The following CMTM1 variants were observed in gnomAD, a reference collection of about 807,000 sequenced individuals.
CMTM1 encodes CKLF like MARVEL transmembrane domain containing 1, also known as CKLF-like MARVEL transmembrane domain-containing protein 1.
In CMTM1, 16 loss-of-function variants were observed where a neutral mutation model predicts 17.8. The ratio of observed to expected loss-of-function variants is 0.90; its 90% CI spans 0.61 to 1.37. The LOEUF (loss-of-function observed/expected upper bound fraction) is 1.37, where lower values mean the gene tolerates loss of function less well. Ranked by LOEUF, CMTM1 falls within the 40% of genes most tolerant of loss-of-function variation. The probability of loss-of-function intolerance (pLI) is 0.00; values close to 1 mark genes in which losing one functional copy is unlikely to be tolerated. For synonymous variants in CMTM1, 169 were observed against 154.6 expected (o/e 1.09, Z -0.69); for missense variants, 354 against 375.6 (o/e 0.94, Z 0.47).
In CMTM1 at chr16:66,569,957, G is replaced by A. The variant is rs572608128; in HGVS notation, c.454G>A (p.Ala152Thr). The A allele has an allele frequency of 1.2e-6, 2 of 1,608,774 alleles. No homozygotes were observed. The highest frequency in any genetic ancestry group is 4.5e-5 in the East Asian group (2 of 44,844). The change falls in exon 2 of 4, where the codon GCT becomes ACT. Residue 152 changes from alanine to threonine, a missense_variant. Transcript: ENST00000379500. ...LRLSLILGAL[A>T]CFIITQANES... ...GCAGAGTCTTATCTTAGGAGCATTA[G>A]CTTGTTTCATCATCACCCAAGCCAA...
intron 2 of CMTM1, among the ~76,000 whole-genome samples, chr16:66,574,600 T>G (rs969048596): frequency 6.6e-6 from 1 of 152,212 alleles, no homozygotes; most frequent in African/African-American, 2.4e-5. Context: ...CAATGGACAG[T>G]TCAGGAGAGC....
At chr16:66,570,640 C>G (rs192313068) in intron 2 of CMTM1, among the ~76,000 whole-genome samples, 1 of 152,290 alleles carries the variant, frequency 6.6e-6, no homozygotes, top group East Asian at 1.9e-4. Flanking sequence ...CTTTCACATT[C>G]TTTGCCAACT....
chr16:66,578,996 G>A lies in CMTM1; in HGVS notation c.856G>A (p.Ala286Thr), dbSNP rs1240288705. 2 of 1,612,888 alleles carry A rather than the reference G, an allele frequency of 1.2e-6. No individual in the cohort carries two copies. Residue 286 changes from alanine to threonine, a missense_variant, in exon 4 of 4, where the codon GCC (alanine) becomes ACC (threonine). Transcript: ENST00000379500. Reference protein sequence around the residue: ...ETGPDAPQRPA With the variant: ...ETGPDAPQRPT The stretch of plus-strand genomic sequence containing the variant: ...CGGCCCCGACGCCCCGCAGAGGCCC[G>A]CCTGAAGCCAGCCCGGCGCCCTAGC...
At chr16:66,573,720 T>A (rs1044964578) in intron 2 of CMTM1, among the ~76,000 whole-genome samples, 1 of 144,590 alleles carries the variant, frequency 6.9e-6, no homozygotes, top group Non-Finnish European at 1.5e-5. Flanking sequence ...GGAGTCTCAC[T>A]GTGTTGCCCA....
chr16:66,575,298 C>A, intron 2 of CMTM1: 1 of 750,882 alleles, frequency 1.3e-6, no homozygotes, highest in Non-Finnish European at 1.6e-6. Context: ...TTATCAGATG[C>A]TTTCAGATTC....
Position 66,577,326 on chromosome 16 carries a change from G to A in CMTM1, c.690+124G>A, listed in dbSNP as rs902445618. The A allele has an allele frequency of 6.0e-6, 4 of 669,356 alleles. No homozygotes were observed. The African/African-American group carries it at 7.2e-5, about 12-fold the overall frequency. 41.5% of individuals were successfully genotyped at this position (669,356 alleles called of 1,614,324 possible). ...CCCACTGCCACCCACTCTCCTTCTT[G>A]CACTGACTTCTTCAGGTGATATGAA... On this transcript the variant is annotated intron_variant, in intron 3 of 3. Coordinates refer to ENST00000379500, the MANE Select transcript of CMTM1 (RefSeq NM_052999.4).
At chr16:66,573,964 A>T (rs1178045415) in intron 2 of CMTM1, among the ~76,000 whole-genome samples, 2 of 150,680 alleles carry the variant, frequency 1.3e-5, no homozygotes, top group Admixed American at 1.3e-4. Context: ...TGGGATTACA[A>T]GCATGAGCCA....
chr16:66,573,508 G>C, intron 2 of CMTM1, among the ~76,000 whole-genome samples: 1 of 152,116 alleles, frequency 6.6e-6, no homozygotes, highest in Non-Finnish European at 1.5e-5. Flanking sequence ...TTCTGGTGAA[G>C]CAGATGTTTT....
chr16:66,573,512 A>G (rs1416789986), intron 2 of CMTM1, among the ~76,000 whole-genome samples: 1 of 152,182 alleles, frequency 6.6e-6, no homozygotes, highest in Non-Finnish European at 1.5e-5. Context: ...GGTGAAGCAG[A>G]TGTTTTTGCC....
intron 2 of CMTM1, 119 bp from the exon 3 acceptor site, chr16:66,576,985 C>A: frequency 1.2e-6 from 1 of 826,188 alleles, no homozygotes; most frequent in Non-Finnish European, 1.9e-6. Context: ...TCCTCCTCAT[C>A]TTAATCAAAT....
intron 2 of CMTM1, among the ~76,000 whole-genome samples, chr16:66,571,870 C>T (rs184164086): frequency 6.7e-4 from 102 of 152,274 alleles, no homozygotes; most frequent in African/African-American, 2.4e-3. Context: ...AGAAGTATCC[C>T]AGACAAAGGT....
chr16:66,575,320 T>A, intron 2 of CMTM1: 1 of 629,738 alleles, frequency 1.6e-6, no homozygotes. Context: ...TTATGCCATT[T>A]AATCCTCAGA....
rs774917241 is a variant in CMTM1, at chr16:66,566,688, C to T, written c.175C>T (p.Arg59Cys). The part of the protein sequence containing the change: ...APRKHPAVSI[R>C]SAQSAAAARP... ...CCGGAAGCACCCCGCAGTCTCAATT[C>T]GCAGTGCGCAGTCCGCAGCCGCCGC... Residue 59 changes from arginine to cysteine, a missense_variant, in exon 1 of 4, where the codon CGC becomes TGC. By Grantham distance (180) the Arg-to-Cys change is radical. Coordinates refer to ENST00000379500, the MANE Select transcript of CMTM1 (RefSeq NM_052999.4). This position sits in a 1 kb window ranked among gnomAD's most constrained non-coding sequence, Gnocchi z 4.9. 39 of 1,613,934 alleles carry T rather than the reference C, an allele frequency of 2.4e-5. No homozygotes were observed. In the Admixed American group the frequency reaches 5.5e-4, roughly 23 times the overall value.
Position 66,579,076 on chromosome 16 carries a change from C to A in CMTM1, c.*75C>A. 6.4e-7 allele frequency: 1 copy of A among 1,561,452 alleles called. No homozygotes were observed. Among genetic ancestry groups the A allele is most frequent in the Non-Finnish European group, 8.7e-7 (1 of 1,155,252 alleles). On this transcript the variant is annotated 3_prime_UTR_variant, in exon 4 of 4. Transcript: ENST00000379500. The surrounding 1 kb of genome is among the most constrained non-coding windows in gnomAD (Gnocchi z 6.5). Reference sequence around the variant, plus strand: ...CCGAGCCCACCCCCGAGCTCGCATGCTGTCACCCATTCCAGCCTAAATGTG... The same window carrying A: ...CCGAGCCCACCCCCGAGCTCGCATGATGTCACCCATTCCAGCCTAAATGTG...
chr16:66,566,893 G>T lies in CMTM1; in HGVS notation c.380G>T (p.Ser127Ile), dbSNP rs1424725831. The change falls in exon 1 of 4, where the codon AGC becomes ATC. Residue 127 changes from serine (S) to isoleucine (I), a missense_variant. By Grantham distance (142) the Ser-to-Ile change is moderately radical (BLOSUM62 -2). Coordinates refer to ENST00000379500, the MANE Select transcript of CMTM1 (RefSeq NM_052999.4). This position sits in a 1 kb window ranked among gnomAD's most constrained non-coding sequence, Gnocchi z 4.9. ...AAAGTCCCGTACAAATTCAGGGACA[G>T]CCTCAAACGTTTCTCCTTCTCGCCC... ...RAKVPYKFRD[S>I]LKRFSFSPTG... The T allele has an allele frequency of 8.7e-6, 14 of 1,614,154 alleles. No homozygotes were observed. Among genetic ancestry groups the T allele is most frequent in the Non-Finnish European group, 1.2e-5 (14 of 1,180,034 alleles).
chr16:66,570,027 T>A lies in CMTM1; in HGVS notation c.524T>A (p.Val175Asp). The A allele has an allele frequency of 6.2e-7, 1 of 1,608,148 alleles. No homozygotes were observed. ...TITSLEICIV[V>D]FFILIYVLTL... The stretch of plus-strand genomic sequence containing the variant: ...ACAAGTCTGGAAATCTGCATTGTCG[T>A]TTTTTTTATTCTAATATATGTGCTA... The change falls in exon 2 of 4, where the codon GTT becomes GAT. Residue 175 changes from valine to aspartate, a missense_variant. Physicochemically the swap from Val to Asp is radical, Grantham distance 152. Coordinates refer to ENST00000379500, the MANE Select transcript of CMTM1 (RefSeq NM_052999.4).
intron 2 of CMTM1, among the ~76,000 whole-genome samples, chr16:66,571,935 C>T (rs2144638944): frequency 6.6e-6 from 1 of 152,348 alleles, no homozygotes; most frequent in East Asian, 1.9e-4. Flanking sequence ...AGAACCTGTT[C>T]TCACAGTGGT....
Position 66,566,721 on chromosome 16 carries a change from C to T in CMTM1, c.208C>T (p.Gln70Ter), listed in dbSNP as rs376961375. 2.5e-5 allele frequency: 40 copies of T among 1,613,894 alleles called. No individual in the cohort carries two copies. Among genetic ancestry groups the T allele is most frequent in the Non-Finnish European group, 3.3e-5 (39 of 1,179,992 alleles). The change falls in exon 1 of 4, where the codon CAA becomes TAA. Residue 70 changes from glutamine to a stop codon, truncating the protein, a stop_gained. Coordinates refer to ENST00000379500, the MANE Select transcript of CMTM1 (RefSeq NM_052999.4). LOFTEE classifies it high-confidence loss of function. This position sits in a 1 kb window ranked among gnomAD's most constrained non-coding sequence, Gnocchi z 4.9. ...GCAGTCCGCAGCCGCCGCACGTCCCCAAGGCAGTGAGGGCACCGCACCCTC... is the reference window on the plus strand; with the variant it reads ...GCAGTCCGCAGCCGCCGCACGTCCCTAAGGCAGTGAGGGCACCGCACCCTC... The part of the protein sequence containing the change: ...SAQSAAAARP[Q>*]GSEGTAPSRK...
At chr16:66,571,806 T>C (rs1307330735) in intron 2 of CMTM1, among the ~76,000 whole-genome samples, 1 of 152,104 alleles carries the variant, frequency 6.6e-6, no homozygotes, top group Non-Finnish European at 1.5e-5. Flanking sequence ...CACATAAAGC[T>C]GGAGAGGGCC....
Sources: gnomAD v4.1 joint callset for allele counts (sites outside exome capture counted in the v4.1 genomes callset) on GRCh38, gnomAD v4.1.1 for gene constraint, Gnocchi (gnomAD v3.1) non-coding constraint, MANE v1.5 for transcripts, NCBI Gene and HGNC (gene_info 2026-07-23, HGNC 2026-07-21) for gene names.